SMAP1: variants seen among roughly 807,000 people sequenced by gnomAD.
SMAP1 encodes small ArfGAP 1.
Under a neutral mutation model 58.5 loss-of-function variants are expected in SMAP1, and 24 were observed. That is an observed-to-expected ratio of 0.41 (90% CI 0.30 to 0.58). The LOEUF is 0.58. Ranked by LOEUF, SMAP1 falls within the 20% of genes least tolerant of loss-of-function variation. The pLI, the probability that SMAP1 is intolerant of heterozygous loss-of-function variation, is 0.29. For synonymous variants in SMAP1, 216 were observed against 196.6 expected (o/e 1.10, Z -0.82); for missense variants, 563 against 566.3 (o/e 0.99, Z 0.06).
intron 2 of SMAP1, among the ~76,000 whole-genome samples, chr6:70,741,296 T>G (rs1483217314): frequency 6.6e-6 from 1 of 152,154 alleles, no homozygotes; most frequent in Non-Finnish European, 1.5e-5. Flanking sequence ...AGTTACTTCC[T>G]AGATACAGTG....
At chr6:70,796,727 T>C (rs1768624011) in intron 5 of SMAP1, among the ~76,000 whole-genome samples, 1 of 152,210 alleles carries the variant, frequency 6.6e-6, no homozygotes, top group African/African-American at 2.4e-5. Context: ...ACTATGTTAA[T>C]ATCCTTAATG....
intron 8 of SMAP1, 137 bp downstream of exon 8, chr6:70,852,801 C>T (rs1771239586): frequency 9.9e-7 from 1 of 1,013,688 alleles, no homozygotes; most frequent in South Asian, 2.7e-5. Context: ...TAGAGTTTAG[C>T]AAACTAAGCC....
At chr6:70,854,097 C>T (rs1400568793) in intron 8 of SMAP1, among the ~76,000 whole-genome samples, 1 of 152,180 alleles carries the variant, frequency 6.6e-6, no homozygotes, top group Non-Finnish European at 1.5e-5. Context: ...AGTGCCATGA[C>T]AAGGAGTGTA....
At chr6:70,781,197 C>T (rs1466009795) in intron 4 of SMAP1, among the ~76,000 whole-genome samples, 6 of 152,000 alleles carry the variant, frequency 3.9e-5, no homozygotes, top group Non-Finnish European at 7.4e-5. Context: ...TTCCAGAATT[C>T]TACATATTTC....
intron 1 of SMAP1, among the ~76,000 whole-genome samples, chr6:70,708,582 A>G (rs950053353): frequency 3.3e-5 from 5 of 152,132 alleles, no homozygotes; most frequent in African/African-American, 1.2e-4. Flanking sequence ...ATTCATACCA[A>G]TAGTATATAA....
At chr6:70,814,536 A>G (rs557324391) in intron 6 of SMAP1, among the ~76,000 whole-genome samples, 6 of 152,230 alleles carry the variant, frequency 3.9e-5, no homozygotes, top group South Asian at 2.1e-4. Flanking sequence ...CTTTGATCAG[A>G]TGTCATTAGA....
chr6:70,768,598 C>A (rs1187970931), intron 3 of SMAP1, among the ~76,000 whole-genome samples: 1 of 152,024 alleles, frequency 6.6e-6, no homozygotes, highest in Admixed American at 6.6e-5. Context: ...GTGGTGATAT[C>A]CCCTTTATTA....
chr6:70,802,319 G>A (rs1336011386), intron 6 of SMAP1, among the ~76,000 whole-genome samples: 5 of 150,734 alleles, frequency 3.3e-5, no homozygotes, highest in Non-Finnish European at 7.4e-5. Context: ...CTCTGTCATT[G>A]TTGTATTGGA....
chr6:70,707,686 A>G (rs1282277144), intron 1 of SMAP1, among the ~76,000 whole-genome samples: 2 of 151,950 alleles, frequency 1.3e-5, no homozygotes, highest in Non-Finnish European at 1.5e-5. Flanking sequence ...GCTCACTGCA[A>G]CCTCCACCTC....
At chr6:70,820,910 G>A (rs1050513036) in intron 6 of SMAP1, among the ~76,000 whole-genome samples, 2 of 151,978 alleles carry the variant, frequency 1.3e-5, no homozygotes, top group Non-Finnish European at 1.5e-5. Flanking sequence ...ACTATCATAC[G>A]TAAATAAACT....
chr6:70,777,939 A>T (rs930731033), intron 4 of SMAP1, among the ~76,000 whole-genome samples: 20 of 151,898 alleles, frequency 1.3e-4, no homozygotes, highest in African/African-American at 4.8e-4. Flanking sequence ...TTTGTTAGAG[A>T]TGGGGTTTTG....
intron 6 of SMAP1, among the ~76,000 whole-genome samples, chr6:70,807,456 T>C (rs1045137287): frequency 1.8e-4 from 27 of 152,240 alleles, no homozygotes; most frequent in Non-Finnish European, 3.2e-4. Context: ...TAAAATACTC[T>C]GTCATTCACT....
chr6:70,760,248 CTA>C lies in SMAP1; in HGVS notation c.338+5189_338+5190del, dbSNP rs1766693259. 2.6e-5 allele frequency among the ~76,000 whole-genome samples: 4 copies of C among 152,172 alleles called. No homozygotes were observed. In the South Asian group the frequency reaches 8.3e-4, roughly 32 times the overall value. Reference sequence around the variant, plus strand: ...GATTTATGTTAGGCTTTTGGATTAACTATATATTTGCTGTTGTTACCTCAGTC... The same window carrying C: ...GATTTATGTTAGGCTTTTGGATTAACTATATTTGCTGTTGTTACCTCAGTC... On this transcript the variant is annotated intron_variant, in intron 3 of 10. Transcript: ENST00000370455.
chr6:70,679,020 GTT>G (rs531088508), intron 1 of SMAP1, among the ~76,000 whole-genome samples: 1 of 137,164 alleles, frequency 7.3e-6, no homozygotes, highest in Non-Finnish European at 1.6e-5. Flanking sequence ...TAGATTTTTT[GTT>G]TTTTTTTTTT....
chr6:70,759,205 C>T (rs930617587), intron 3 of SMAP1, among the ~76,000 whole-genome samples: 6 of 152,086 alleles, frequency 3.9e-5, no homozygotes, highest in African/African-American at 1.4e-4. Context: ...AACAGCCCAG[C>T]ATACAAATCA....
At chr6:70,819,928 G>A (rs1270007987) in intron 6 of SMAP1, among the ~76,000 whole-genome samples, 2 of 152,160 alleles carry the variant, frequency 1.3e-5, no homozygotes, top group African/African-American at 4.8e-5. Flanking sequence ...CTATTACTAT[G>A]TGAGATTCTA....
chr6:70,859,166 C>T, intron 10 of SMAP1: 1 of 525,942 alleles, frequency 1.9e-6, no homozygotes, highest in Non-Finnish European at 3.4e-6. Flanking sequence ...TTGCTACCAC[C>T]ATTTACAAGA....
At chr6:70,737,229 C>T (rs1037013219) in intron 2 of SMAP1, among the ~76,000 whole-genome samples, 1 of 152,224 alleles carries the variant, frequency 6.6e-6, no homozygotes, top group Non-Finnish European at 1.5e-5. Flanking sequence ...GCAACCTTCA[C>T]CTCCTGGGTT....
intron 7 of SMAP1, among the ~76,000 whole-genome samples, chr6:70,851,484 C>A (rs1213495178): frequency 6.6e-6 from 1 of 152,038 alleles, no homozygotes; most frequent in South Asian, 2.1e-4. Context: ...TATGGTCTAC[C>A]AAAGAGATAT....
Sources: allele counts gnomAD v4.1 joint callset (sites outside exome capture counted in the v4.1 genomes callset), GRCh38; gene constraint gnomAD v4.1.1; transcripts MANE v1.5; gene names NCBI Gene and HGNC (gene_info 2026-07-23, HGNC 2026-07-21).